The following ZNF226 variants were observed in gnomAD, a reference collection of about 807,000 sequenced individuals.
ZNF226 encodes zinc finger protein 226.
Under a neutral mutation model 11.4 loss-of-function variants are expected in ZNF226, and 6 were observed. The ratio of observed to expected loss-of-function variants is 0.53; its 90% CI spans 0.29 to 1.04. ZNF226 has a LOEUF of 1.04. ZNF226 is among the 50% of genes least tolerant of loss of function. ZNF226 has a pLI of 0.08. For synonymous variants in ZNF226, 350 were observed against 322.8 expected, an observed-to-expected ratio of 1.08 and a Z score of -0.90; for missense variants, 1,058 against 956.5, an observed-to-expected ratio of 1.11 and a Z score of -1.40.
Position 44,176,299 on chromosome 19 carries a change from G to A in ZNF226, c.1037G>A (p.Arg346His), listed in dbSNP as rs923689879. 17 of 1,614,048 alleles carry A rather than the reference G, an allele frequency of 1.1e-5. No homozygotes were observed. Among genetic ancestry groups the A allele is most frequent in the South Asian group, 8.8e-5 (8 of 91,084 alleles). The part of the protein sequence containing the change: ...KCKQCGKGFS[R>H]RSALNVHCKV... ...AAGCAATGTGGGAAAGGTTTCAGTCGTAGATCAGCACTTAATGTTCATTGC... is the reference window on the plus strand; with the variant it reads ...AAGCAATGTGGGAAAGGTTTCAGTCATAGATCAGCACTTAATGTTCATTGC... The change falls in exon 6 of 6, where the codon CGT becomes CAT. Residue 346 changes from arginine to histidine, a missense_variant. Transcript: ENST00000337433.
chr19:44,179,053 G>T (rs139028366), downstream of ZNF226, among the ~76,000 whole-genome samples: 92 of 152,276 alleles, frequency 6.0e-4, 1 homozygote, highest in Middle Eastern at 6.8e-3. Flanking sequence ...GGTGGTGCGT[G>T]CCTGTAATCC....
At chr19:44,184,200 T>G in the ZNF226 span, among the ~76,000 whole-genome samples, 1 of 152,318 alleles carries the variant, frequency 6.6e-6, no homozygotes, top group Non-Finnish European at 1.5e-5. Flanking sequence ...TGATTGTACT[T>G]TCTAAGCAGA....
chr19:44,176,664 G>A lies in ZNF226; in HGVS notation c.1402G>A (p.Val468Ile), dbSNP rs767645265. The A allele has an allele frequency of 4.3e-6, 7 of 1,614,002 alleles. No individual in the cohort carries two copies. In the African/African-American group the frequency reaches 8.0e-5, roughly 18 times the overall value. Residue 468 changes from valine to isoleucine, a missense_variant, in exon 6 of 6, where the codon GTT becomes ATT. Val to Ile is a conservative substitution (Grantham distance 29). Coordinates refer to ENST00000337433, the MANE Select transcript of ZNF226 (RefSeq NM_001032373.2). ...RPSSLQAHQG[V>I]HTGEKSYICT... ...TTCAAGTCTTCAGGCCCATCAGGGA[G>A]TTCACACTGGAGAGAAGTCATACAT...
Position 44,177,557 on chromosome 19 carries a change from T to C in ZNF226, c.2295T>C (p.Ser765=), listed in dbSNP as rs1970811959. 6.2e-7 allele frequency: 1 copy of C among 1,614,054 alleles called. No homozygotes were observed. The highest frequency in any genetic ancestry group is 1.7e-5 in the Admixed American group (1 of 60,020). The part of the protein sequence containing the change: ...YKCEICGKSF[S]WRSNLTVHHR... Reference sequence around the variant, plus strand: ...GTGAGATATGTGGTAAGAGCTTCAGTTGGCGATCAAATCTTACAGTTCATC... The same window carrying C: ...GTGAGATATGTGGTAAGAGCTTCAGCTGGCGATCAAATCTTACAGTTCATC... The change falls in exon 6 of 6, where the codon AGT becomes AGC. Residue 765 remains serine (S), a synonymous_variant. Coordinates refer to ENST00000337433, the MANE Select transcript of ZNF226 (RefSeq NM_001032373.2).
rs370192204 is a variant in ZNF226 at position 44,176,249 on chromosome 19, C to T, written c.987C>T (p.His329=). 23 of 1,614,008 alleles carry T rather than the reference C, an allele frequency of 1.4e-5. No homozygotes were observed. The highest frequency in any genetic ancestry group is 1.6e-4 in the Middle Eastern group (1 of 6,084). Residue 329 remains histidine (H), a synonymous_variant, in exon 6 of 6, where the codon CAC becomes CAT. Coordinates refer to ENST00000337433, the MANE Select transcript of ZNF226 (RefSeq NM_001032373.2). ...ATCTACAGACCCATCAGAAAGTCCA[C>T]GTGATAGAGAAACCATACAAATGTA... ...GAHLQTHQKV[H]VIEKPYKCKQ...
At chr19:44,183,628 C>T in the ZNF226 span, among the ~76,000 whole-genome samples, 4 of 152,288 alleles carry the variant, frequency 2.6e-5, no homozygotes, top group East Asian at 7.7e-4. Context: ...AGCCAGATCA[C>T]CTTCATGTTC....
At chr19:44,197,735 A>G in the ZNF226 span, among the ~76,000 whole-genome samples, 1 of 152,128 alleles carries the variant, frequency 6.6e-6, no homozygotes, top group Non-Finnish European at 1.5e-5. Context: ...TTATTCTTGT[A>G]TTTATAGGAT....
chr19:44,196,667 C>G, the ZNF226 span, among the ~76,000 whole-genome samples: 1 of 152,150 alleles, frequency 6.6e-6, no homozygotes, highest in African/African-American at 2.4e-5. Flanking sequence ...TATTTTCTGC[C>G]ATGGAATTCC....
Position 44,177,020 on chromosome 19 carries a change from A to G in ZNF226, c.1758A>G (p.Pro586=), listed in dbSNP as rs770201923. The part of the protein sequence containing the change: ...IHQLIHTGEK[P]YKCEECGKGF... Reference sequence around the variant, plus strand: ...AGCTGATCCATACGGGTGAGAAACCATACAAATGTGAAGAGTGTGGCAAGG... The same window carrying G: ...AGCTGATCCATACGGGTGAGAAACCGTACAAATGTGAAGAGTGTGGCAAGG... Residue 586 remains proline, a synonymous_variant, in exon 6 of 6, where the codon CCA becomes CCG. Coordinates refer to ENST00000337433, the MANE Select transcript of ZNF226 (RefSeq NM_001032373.2). 1.9e-5 allele frequency: 30 copies of G among 1,613,992 alleles called. No homozygotes were observed. The highest frequency in any genetic ancestry group is 5.0e-5 in the Admixed American group (3 of 60,002).
At position 44,176,082 on chromosome 19, in the gene ZNF226, C is replaced by G. The variant is rs760381514; in HGVS notation, c.820C>G (p.Gln274Glu). The change falls in exon 6 of 6, where the codon CAA becomes GAA. Residue 274 changes from glutamine to glutamate, a missense_variant. Gln to Glu is a conservative substitution (Grantham distance 29, BLOSUM62 2). Coordinates refer to ENST00000337433, the MANE Select transcript of ZNF226 (RefSeq NM_001032373.2). The part of the protein sequence containing the change: ...LSSFDLHQQL[Q>E]SGEKSLTCVE... Reference sequence around the variant, plus strand: ...CAGCTTTGATCTTCATCAGCAGTTACAATCAGGAGAGAAGTCTCTTACATG... The same window carrying G: ...CAGCTTTGATCTTCATCAGCAGTTAGAATCAGGAGAGAAGTCTCTTACATG... The G allele has an allele frequency of 3.7e-6, 6 of 1,614,150 alleles. No homozygotes were observed. Among genetic ancestry groups the G allele is most frequent in the South Asian group, 3.3e-5 (3 of 91,078 alleles).
downstream of ZNF226, among the ~76,000 whole-genome samples, chr19:44,178,621 T>C (rs1970857302): frequency 6.6e-6 from 1 of 152,188 alleles, no homozygotes; most frequent in Non-Finnish European, 1.5e-5. Flanking sequence ...AGCATGACTT[T>C]CACCCTTTTT....
At chr19:44,172,054 G>GT in intron 3 of ZNF226, 34 bp from the exon 4 acceptor site, 1 of 1,601,820 alleles carries the variant, frequency 6.2e-7, no homozygotes, top group Non-Finnish European at 8.5e-7. Flanking sequence ...GTGGACATTG[G>GT]TTGTAAGATT....
chr19:44,188,155 T>C, the ZNF226 span, among the ~76,000 whole-genome samples: 1 of 152,172 alleles, frequency 6.6e-6, no homozygotes, highest in African/African-American at 2.4e-5. Flanking sequence ...TCTTTAGTGT[T>C]GTTCAAGTCC....
rs374649881 is a variant in ZNF226, at chr19:44,176,599, C to A, written c.1337C>A (p.Pro446His). 12 of 1,614,012 alleles carry A rather than the reference C, an allele frequency of 7.4e-6. No homozygotes were observed. Among genetic ancestry groups the A allele is most frequent in the Non-Finnish European group, 1.0e-5 (12 of 1,179,996 alleles). Residue 446 changes from proline (P) to histidine (H), a missense_variant, in exon 6 of 6, where the codon CCC becomes CAC. Coordinates refer to ENST00000337433, the MANE Select transcript of ZNF226 (RefSeq NM_001032373.2). ...IHQRVHTGEK[P>H]YKCEECGKGF... is the part of the protein sequence containing the mutation. ...CAGAGAGTCCACACAGGAGAAAAACCCTATAAATGTGAGGAATGTGGTAAA... is the reference window on the plus strand; with the variant it reads ...CAGAGAGTCCACACAGGAGAAAAACACTATAAATGTGAGGAATGTGGTAAA...
intron 5 of ZNF226, chr19:44,173,229 G>A (rs986137870): frequency 9.6e-6 from 5 of 522,290 alleles, no homozygotes; most frequent in Non-Finnish European, 1.7e-5. Flanking sequence ...ACTTAATGTG[G>A]CTGACAGAGT....
downstream of ZNF226, among the ~76,000 whole-genome samples, chr19:44,181,934 T>C (rs1970912033): frequency 6.6e-6 from 1 of 152,142 alleles, no homozygotes; most frequent in Non-Finnish European, 1.5e-5. Flanking sequence ...AGGAGATACA[T>C]CGCCAAAGTA....
At chr19:44,185,199 G>A in the ZNF226 span, among the ~76,000 whole-genome samples, 1 of 152,288 alleles carries the variant, frequency 6.6e-6, no homozygotes, top group Admixed American at 6.5e-5. Context: ...TCTACATCTT[G>A]GCTATAATGC....
chr19:44,181,500 A>G (rs145013651), downstream of ZNF226, among the ~76,000 whole-genome samples: 351 of 152,304 alleles, frequency 2.3e-3, 3 homozygotes, highest in Middle Eastern at 0.01. Context: ...ATTTGGGAGA[A>G]TTTGTTATAT....
At chr19:44,173,732 TGGGCGATA>T (rs1277004105) in intron 5 of ZNF226, 4 of 152,094 alleles carry the variant, frequency 2.6e-5, no homozygotes, top group Admixed American at 2.6e-4. Context: ...CACTCCAGCC[TGGGCGATA>T]GAGCGAGACT....
Sources: gnomAD v4.1 joint callset for allele counts (sites outside exome capture counted in the v4.1 genomes callset) on GRCh38, gnomAD v4.1.1 for gene constraint, MANE v1.5 for transcripts, NCBI Gene and HGNC (gene_info 2026-07-23, HGNC 2026-07-21) for gene names.